The following PPP2R2B variants were observed in gnomAD, a reference collection of about 807,000 sequenced individuals.
The protein encoded by PPP2R2B is serine/threonine-protein phosphatase 2A 55 kDa regulatory subunit B beta isoform.
PPP2R2B carries 5 observed loss-of-function variants against 46.0 expected under a neutral mutation model. The ratio of observed to expected loss-of-function variants is 0.11; its 90% CI spans 0.06 to 0.23. The LOEUF (loss-of-function observed/expected upper bound fraction) is 0.23, where lower values mean the gene tolerates loss of function less well. Ranked by LOEUF, PPP2R2B falls within the 10% of genes least tolerant of loss-of-function variation. The pLI is 1.00. For synonymous variants in PPP2R2B, 215 were observed against 206.7 expected, an observed-to-expected ratio of 1.04 and a Z score of -0.34; for missense variants, 367 against 575.0, an observed-to-expected ratio of 0.64 and a Z score of 3.70.
intron 2 of PPP2R2B, among the ~76,000 whole-genome samples, chr5:146,782,686 G>A (rs1407860457): frequency 6.6e-6 from 1 of 151,864 alleles, no homozygotes; most frequent in Non-Finnish European, 1.5e-5. Context: ...TTTTTAAAGA[G>A]TTGATCCATA....
intron 1 of PPP2R2B, among the ~76,000 whole-genome samples, chr5:147,017,967 A>C: frequency 6.6e-6 from 1 of 151,984 alleles, no homozygotes; most frequent in East Asian, 1.9e-4. Flanking sequence ...TAAAGACAGG[A>C]CCATGTAGTT....
chr5:146,988,416 A>G (rs1003408727), intron 1 of PPP2R2B, among the ~76,000 whole-genome samples: 1 of 151,996 alleles, frequency 6.6e-6, no homozygotes, highest in Non-Finnish European at 1.5e-5. Flanking sequence ...CATATCAAGT[A>G]TCCTTTCTGA....
chr5:147,077,307 CACACCCACA>C lies in PPP2R2B; in HGVS notation c.50+3743_50+3751del, dbSNP rs1561616437. 2.7e-3 allele frequency among the ~76,000 whole-genome samples: 379 copies of C among 138,832 alleles called. 2 individuals carry two copies. The highest frequency in any genetic ancestry group is 0.011 in the African/African-American group (361 of 33,844). The allele number at this position is 138,832 out of a possible 152,430, so 91.1% of individuals were successfully genotyped here. ...ACACACACACACACACACACACACACACACCCACACCCACACCCCTAGCCCTTATAGCCA... is the reference window on the plus strand; with the variant it reads ...ACACACACACACACACACACACACACCCCACACCCCTAGCCCTTATAGCCA... On this transcript the variant is annotated intron_variant, in intron 2 of 10. Coordinates refer to the PPP2R2B transcript ENST00000394413.
chr5:147,081,095 G>T (rs1162584055), exon 2 of PPP2R2B: 1 of 1,535,610 alleles, frequency 6.5e-7, no homozygotes, highest in South Asian at 1.2e-5. Flanking sequence ...CCTTTCACTT[G>T]GCTGAAGCAC....
chr5:146,640,646 C>T (rs905951770), intron 6 of PPP2R2B, among the ~76,000 whole-genome samples: 1 of 152,214 alleles, frequency 6.6e-6, no homozygotes, highest in African/African-American at 2.4e-5. Flanking sequence ...GCTTTCTCAA[C>T]CTCTACCAGT....
At chr5:146,939,174 C>T (rs546936097) in intron 1 of PPP2R2B, among the ~76,000 whole-genome samples, 1 of 152,002 alleles carries the variant, frequency 6.6e-6, no homozygotes, top group South Asian at 2.1e-4. Context: ...CAACTGAGGC[C>T]CTGGTTAAAA....
At chr5:146,904,598 C>G (rs1412675681) in intron 1 of PPP2R2B, among the ~76,000 whole-genome samples, 1 of 152,182 alleles carries the variant, frequency 6.6e-6, no homozygotes, top group East Asian at 1.9e-4. Context: ...CAATATGGTG[C>G]TTGAGTAATG....
At chr5:146,642,138 G>C (rs906274703) in intron 6 of PPP2R2B, among the ~76,000 whole-genome samples, 9 of 152,224 alleles carry the variant, frequency 5.9e-5, no homozygotes, top group African/African-American at 2.2e-4. Flanking sequence ...GAGGACAGGA[G>C]GGGGCATAGC....
At chr5:147,031,629 T>TA (rs1755789990) in intron 1 of PPP2R2B, among the ~76,000 whole-genome samples, 1 of 152,158 alleles carries the variant, frequency 6.6e-6, no homozygotes, top group Non-Finnish European at 1.5e-5. Context: ...TAGACCTCAA[T>TA]AAAAAATATG....
At chr5:146,905,151 T>C (rs1251146923) in intron 1 of PPP2R2B, among the ~76,000 whole-genome samples, 2 of 152,186 alleles carry the variant, frequency 1.3e-5, no homozygotes, top group African/African-American at 4.8e-5. Context: ...ATGTCAAGTG[T>C]TGGTGAGGAC....
intron 2 of PPP2R2B, among the ~76,000 whole-genome samples, chr5:147,078,920 T>C (rs1324000088): frequency 6.6e-6 from 1 of 152,132 alleles, no homozygotes; most frequent in African/African-American, 2.4e-5. Flanking sequence ...TTTTGAATCA[T>C]GGCCAAGATT....
At chr5:147,076,053 C>G (rs932717648) in intron 2 of PPP2R2B, among the ~76,000 whole-genome samples, 2 of 152,060 alleles carry the variant, frequency 1.3e-5, no homozygotes, top group Admixed American at 1.3e-4. Context: ...ACTCCATTCC[C>G]ATAAGTAGTG....
intron 7 of PPP2R2B, among the ~76,000 whole-genome samples, chr5:146,632,429 A>G (rs1177036875): frequency 6.6e-6 from 1 of 152,172 alleles, no homozygotes; most frequent in Non-Finnish European, 1.5e-5. Flanking sequence ...ACTTTGTTGC[A>G]GCAGCCCTGG....
chr5:146,768,622 G>A (rs1754640811), intron 2 of PPP2R2B, among the ~76,000 whole-genome samples: 1 of 152,102 alleles, frequency 6.6e-6, no homozygotes, highest in Admixed American at 6.6e-5. Context: ...CTGCATTAAG[G>A]TAAAATCCAA....
At chr5:146,733,833 A>G (rs1752376360) in intron 2 of PPP2R2B, among the ~76,000 whole-genome samples, 2 of 152,184 alleles carry the variant, frequency 1.3e-5, no homozygotes, top group South Asian at 4.1e-4. Flanking sequence ...GCTGGAAAGT[A>G]CTGATTTTGT....
intron 5 of PPP2R2B, among the ~76,000 whole-genome samples, chr5:146,677,044 A>G (rs200624539): frequency 0.22 from 33,647 of 151,990 alleles, 5,131 homozygotes; most frequent in African/African-American, 0.42. Context: ...CTGAACTCCT[A>G]TCTTTGTTGT....
intron 1 of PPP2R2B, among the ~76,000 whole-genome samples, chr5:146,960,694 G>A (rs143256063): frequency 1.7e-3 from 256 of 152,242 alleles, no homozygotes; most frequent in Non-Finnish European, 9.7e-4. Context: ...TAGATTCTGA[G>A]CTCTGGTTAA....
chr5:146,735,862 C>T (rs535984934), intron 2 of PPP2R2B, among the ~76,000 whole-genome samples: 1 of 152,126 alleles, frequency 6.6e-6, no homozygotes, highest in South Asian at 2.1e-4. Context: ...TGATGATAAC[C>T]TATTTCATTC....
At position 146,638,391 on chromosome 5, in the gene PPP2R2B, T is replaced by A. The variant is rs1025740307; in HGVS notation, c.650A>T (p.Asn217Ile). The change falls in exon 7 of 10, where the codon AAC (asparagine) becomes ATC (isoleucine). Residue 217 changes from asparagine (N) to isoleucine (I), a missense_variant. Physicochemically the swap from Asn to Ile is moderately radical, Grantham distance 149 (BLOSUM62 -3). Transcript: ENST00000394411. ...SFNIVDIKPANMEELTEVITA... is the reference protein window; with the variant it reads ...SFNIVDIKPAIMEELTEVITA... The stretch of plus-strand genomic sequence containing the variant: ...GATCACCTCCGTGAGCTCCTCCATG[T>A]TGGCTGGCTTAATGTCCACAATATC... 6 of 1,611,232 alleles carry A rather than the reference T, an allele frequency of 3.7e-6. No individual in the cohort carries two copies. The highest frequency in any genetic ancestry group is 4.2e-6 in the Non-Finnish European group (5 of 1,177,704).
Sources: allele counts gnomAD v4.1 joint callset (sites outside exome capture counted in the v4.1 genomes callset), GRCh38; gene constraint gnomAD v4.1.1; transcripts MANE v1.5; gene names NCBI Gene and HGNC (gene_info 2026-07-23, HGNC 2026-07-21).